The following MAPK10 variants were observed in gnomAD, a reference collection of about 807,000 sequenced individuals.
The protein encoded by MAPK10 is mitogen-activated protein kinase 10.
Under a neutral mutation model 59.3 loss-of-function variants are expected in MAPK10, and 25 were observed. The ratio of observed to expected loss-of-function variants is 0.42; its 90% CI spans 0.31 to 0.59. MAPK10 has a LOEUF of 0.59. Ranked by LOEUF, MAPK10 falls within the 20% of genes least tolerant of loss-of-function variation. MAPK10 has a pLI of 0.15. For synonymous variants in MAPK10, 190 were observed against 200.5 expected, an observed-to-expected ratio of 0.95 and a Z score of 0.44; for missense variants, 351 against 568.9, an observed-to-expected ratio of 0.62 and a Z score of 3.90.
chr4:86,157,481 C>T (rs1581502484), intron 4 of MAPK10, among the ~76,000 whole-genome samples: 1 of 151,682 alleles, frequency 6.6e-6, no homozygotes, highest in African/African-American at 2.4e-5. Flanking sequence ...TCAGATATGC[C>T]CAGTTTCCAG....
intron 4 of MAPK10, among the ~76,000 whole-genome samples, chr4:86,136,336 C>T (rs1360892782): frequency 6.6e-6 from 1 of 152,152 alleles, no homozygotes; most frequent in Non-Finnish European, 1.5e-5. Context: ...CAGTGGATCT[C>T]TCAGCAGAAA....
chr4:86,010,622 G>C lies in MAPK10; in HGVS notation c.*6606C>G, dbSNP rs1741359073. ...GCAATGTATTAACATGAAGGAATAG[G>C]CCATTGCTTTCTGAAAACCTTCCTT... On this transcript the variant is annotated 3_prime_UTR_variant, in exon 14 of 14. Transcript: ENST00000641462. 6.6e-6 allele frequency: 1 copy of C among 152,128 alleles called. No individual in the cohort carries two copies. The highest frequency in any genetic ancestry group is 2.4e-5 in the African/African-American group (1 of 41,432). The allele number at this position is 152,128 out of a possible 1,614,324, so 9.4% of individuals were successfully genotyped here.
intron 2 of MAPK10, among the ~76,000 whole-genome samples, chr4:86,319,204 A>C (rs1446622686): frequency 6.6e-6 from 1 of 152,162 alleles, no homozygotes; most frequent in Non-Finnish European, 1.5e-5. Flanking sequence ...GGTGAGAACT[A>C]GGGAACACAA....
At chr4:86,433,938 G>C (rs1039668091) in intron 1 of MAPK10, among the ~76,000 whole-genome samples, 1 of 152,176 alleles carries the variant, frequency 6.6e-6, no homozygotes, top group East Asian at 1.9e-4. Context: ...CTCTCCACAC[G>C]TATCACATGG....
At chr4:86,139,096 G>A (rs2062968119) in intron 4 of MAPK10, among the ~76,000 whole-genome samples, 1 of 141,378 alleles carries the variant, frequency 7.1e-6, no homozygotes, top group Non-Finnish European at 1.5e-5. Context: ...TCGTGAAAAT[G>A]GCCATACTGC....
At chr4:86,576,637 G>A (rs931196957) in intron 1 of MAPK10, among the ~76,000 whole-genome samples, 4 of 152,164 alleles carry the variant, frequency 2.6e-5, no homozygotes, top group Middle Eastern at 3.4e-3. Flanking sequence ...AGCCGGGCGC[G>A]GTGGCGGGTG....
At chr4:86,382,976 T>C (rs1579005862) in intron 1 of MAPK10, among the ~76,000 whole-genome samples, 1 of 152,316 alleles carries the variant, frequency 6.6e-6, no homozygotes, top group South Asian at 2.1e-4. Flanking sequence ...AGAATAAGAA[T>C]AATGAAACTA....
At chr4:86,568,030 C>T (rs1299494520) in intron 1 of MAPK10, among the ~76,000 whole-genome samples, 1 of 152,060 alleles carries the variant, frequency 6.6e-6, no homozygotes, top group African/African-American at 2.4e-5. Context: ...ATGATATAAT[C>T]TTATACATAG....
chr4:86,290,694 C>T (rs2095195221), intron 2 of MAPK10, among the ~76,000 whole-genome samples: 1 of 152,142 alleles, frequency 6.6e-6, no homozygotes, highest in African/African-American at 2.4e-5. Flanking sequence ...GCACTCAGCA[C>T]TCAATAAATA....
chr4:86,317,127 A>G (rs2095803496), intron 2 of MAPK10, among the ~76,000 whole-genome samples: 1 of 152,074 alleles, frequency 6.6e-6, no homozygotes, highest in Non-Finnish European at 1.5e-5. Flanking sequence ...CACCACTGCC[A>G]CCCAGTATGC....
At chr4:86,103,020 C>G in intron 6 of MAPK10, 166 bp downstream of exon 6, 1 of 539,336 alleles carries the variant, frequency 1.9e-6, no homozygotes, top group South Asian at 2.9e-5. Flanking sequence ...CACTGGACCC[C>G]TTTCATTTGA....
rs372527168 is a variant in MAPK10 at position 86,491,620 on chromosome 4, G to A, written c.-263+102290C>T. 2.6e-3 allele frequency among the ~76,000 whole-genome samples: 398 copies of A among 152,234 alleles called. 1 individual carries two copies. Among genetic ancestry groups the A allele is most frequent in the African/African-American group, 8.7e-3 (362 of 41,550 alleles). On this transcript the variant is annotated intron_variant, in intron 1 of 4. Coordinates refer to the MAPK10 transcript ENST00000502302. ...TTTTCCCCTTAGGTCTCATCACCTGGTAAGAAAGACTCTAAATCGAAGCAT... is the reference window on the plus strand; with the variant it reads ...TTTTCCCCTTAGGTCTCATCACCTGATAAGAAAGACTCTAAATCGAAGCAT...
chr4:86,433,536 TCA>T (rs1484845432), intron 1 of MAPK10, among the ~76,000 whole-genome samples: 1 of 150,722 alleles, frequency 6.6e-6, no homozygotes, highest in African/African-American at 2.4e-5. Context: ...CAAAATATTA[TCA>T]CAGTCTGGGC....
At chr4:86,404,218 G>A (rs1339663766) in intron 1 of MAPK10, among the ~76,000 whole-genome samples, 1 of 151,804 alleles carries the variant, frequency 6.6e-6, no homozygotes, top group Non-Finnish European at 1.5e-5. Flanking sequence ...CTAGTGAAAT[G>A]TTTTTCACAC....
chr4:86,575,811 A>C (rs552748381), intron 1 of MAPK10, among the ~76,000 whole-genome samples: 19 of 151,018 alleles, frequency 1.3e-4, no homozygotes, highest in Non-Finnish European at 2.5e-4. Flanking sequence ...GTAGTAACTC[A>C]TTCTTAAACA....
At chr4:86,380,503 T>C (rs542894562) in intron 1 of MAPK10, among the ~76,000 whole-genome samples, 18 of 152,326 alleles carry the variant, frequency 1.2e-4, no homozygotes, top group African/African-American at 4.3e-4. Context: ...CAAGCTTTTC[T>C]GACCATTTTA....
chr4:86,441,040 A>C (rs937018535), intron 1 of MAPK10, among the ~76,000 whole-genome samples: 2 of 152,332 alleles, frequency 1.3e-5, no homozygotes, highest in East Asian at 3.9e-4. Context: ...AAAAACTTAA[A>C]ATGTGTTTGG....
intron 1 of MAPK10, among the ~76,000 whole-genome samples, chr4:86,409,304 C>A (rs1175553972): frequency 6.6e-6 from 1 of 152,070 alleles, no homozygotes; most frequent in Admixed American, 6.6e-5. Flanking sequence ...TTACTGTAAC[C>A]CTGAATTATA....
At chr4:86,033,101 A>G (rs184517432) in intron 11 of MAPK10, among the ~76,000 whole-genome samples, 1 of 152,352 alleles carries the variant, frequency 6.6e-6, no homozygotes, top group East Asian at 1.9e-4. Flanking sequence ...TTCCACCTCT[A>G]TAAAGGACTC....
Sources: allele counts gnomAD v4.1 joint callset (sites outside exome capture counted in the v4.1 genomes callset), GRCh38; gene constraint gnomAD v4.1.1; transcripts MANE v1.5; gene names NCBI Gene and HGNC (gene_info 2026-07-23, HGNC 2026-07-21).